Variants in VTCN1 observed in about 807,000 individuals in gnomAD.
VTCN1 encodes the protein V-set domain-containing T-cell activation inhibitor 1.
A neutral mutation model predicts 26.5 loss-of-function variants in VTCN1; 26 were observed. The ratio of observed to expected loss-of-function variants is 0.98; its 90% CI spans 0.72 to 1.36. VTCN1 has a LOEUF of 1.36. Ranked by LOEUF, VTCN1 falls within the 40% of genes most tolerant of loss-of-function variation. VTCN1 has a pLI of 0.00. For missense variants in VTCN1, 298 were observed against 337.7 expected, an observed-to-expected ratio of 0.88 and a Z score of 0.92; for synonymous variants, 116 against 130.7, an observed-to-expected ratio of 0.89 and a Z score of 0.77.
At chr1:117,170,241 G>T in intron 1 of VTCN1, 70 bp from the exon 2 acceptor site, 1 of 1,393,494 alleles carries the variant, frequency 7.2e-7, no homozygotes. Context: ...TGCAACTGGG[G>T]TACAAATCTG....
Position 117,183,762 on chromosome 1 carries a change from T to A in VTCN1, c.33-13591A>T, listed in dbSNP as rs1647788065. Among the ~76,000 whole-genome samples, 1 of 152,154 alleles carries A rather than the reference T, an allele frequency of 6.6e-6. No homozygotes were observed. The highest frequency in any genetic ancestry group is 2.4e-5 in the African/African-American group (1 of 41,432). On this transcript the variant is annotated intron_variant, in intron 1 of 5. Transcript: ENST00000369458. This position sits in a 1 kb window ranked among gnomAD's most constrained non-coding sequence, Gnocchi z 4.1. ...AAATAGCCTTTAAAAAAATCCTTGA[T>A]AAAAATACTTGAAATGCTGAATAAA...
At chr1:117,160,632 TC>T (rs1366402982) in intron 2 of VTCN1, among the ~76,000 whole-genome samples, 2 of 152,234 alleles carry the variant, frequency 1.3e-5, no homozygotes, top group Non-Finnish European at 2.9e-5. Flanking sequence ...TCCAACTACA[TC>T]CTTTCATAGT....
rs559905585 is a variant in VTCN1 at position 117,175,276 on chromosome 1, C to T, written c.33-5105G>A. ...CTAACAGAAACAATAACTAGTACCT[C>T]GGGAGATAACTTAGACAGACAAGGC... On this transcript the variant is annotated intron_variant, in intron 1 of 5. Transcript: ENST00000369458. The surrounding 1 kb of genome is among the most constrained non-coding windows in gnomAD (Gnocchi z 4.2). Among the ~76,000 whole-genome samples the T allele has an allele frequency of 2.4e-4, 36 of 152,274 alleles. No individual in the cohort carries two copies. The highest frequency in any genetic ancestry group is 7.9e-4 in the African/African-American group (33 of 41,542).
intron 2 of VTCN1, among the ~76,000 whole-genome samples, chr1:117,158,602 T>G (rs550615481): frequency 6.6e-6 from 1 of 152,192 alleles, no homozygotes; most frequent in South Asian, 2.1e-4. Flanking sequence ...TGAAGACCTC[T>G]GACATACCCT....
intron 1 of VTCN1, among the ~76,000 whole-genome samples, chr1:117,196,108 T>C (rs1417487843): frequency 6.6e-6 from 1 of 152,120 alleles, no homozygotes; most frequent in Non-Finnish European, 1.5e-5. Flanking sequence ...GCTATGATAG[T>C]ACCACTGCAC....
At chr1:117,162,744 AGAC>A (rs1384438698) in intron 2 of VTCN1, among the ~76,000 whole-genome samples, 26 of 152,220 alleles carry the variant, frequency 1.7e-4, no homozygotes, top group Non-Finnish European at 2.9e-4. Flanking sequence ...AGCAGGGGCA[AGAC>A]GAAACCTGAG....
Position 117,155,518 on chromosome 1 carries a change from G to GTTACTTAT in VTCN1, c.445+1048_445+1055dup, listed in dbSNP as rs1652027057. ...CCTTTGAGTTATAATTCAATACTAT[G>GTTACTTAT]TTACTTATTTTGTTGCTTAAATTGT... On this transcript the variant is annotated intron_variant, in intron 3 of 5. Transcript: ENST00000369458. This position sits in a 1 kb window ranked among gnomAD's most constrained non-coding sequence, Gnocchi z 4.8. Among the ~76,000 whole-genome samples, 1 of 152,070 alleles carries GTTACTTAT rather than the reference G, an allele frequency of 6.6e-6. No individual in the cohort carries two copies. Among genetic ancestry groups the GTTACTTAT allele is most frequent in the African/African-American group, 2.4e-5 (1 of 41,378 alleles).
intron 1 of VTCN1, chr1:117,173,104 G>A (rs144880439): frequency 4.2e-6 from 3 of 709,580 alleles, no homozygotes; most frequent in East Asian, 5.4e-5. Context: ...TGAAGTCAGA[G>A]AGACCAGAAC....
In VTCN1 at chr1:117,159,301, G is replaced by T. The variant is rs1267490207; in HGVS notation, c.98-2380C>A. ...TTAACAGTTTCACATGGCTGGGGAG[G>T]CCTCAGAGTCATGGCGGGAGGTGAA... On this transcript the variant is annotated intron_variant, in intron 2 of 5. Coordinates refer to ENST00000369458, the MANE Select transcript of VTCN1 (RefSeq NM_024626.4). This position sits in a 1 kb window ranked among gnomAD's most constrained non-coding sequence, Gnocchi z 4.7. Among the ~76,000 whole-genome samples, 1 of 152,172 alleles carries T rather than the reference G, an allele frequency of 6.6e-6. No individual in the cohort carries two copies. Among genetic ancestry groups the T allele is most frequent in the African/African-American group, 2.4e-5 (1 of 41,442 alleles).
intron 1 of VTCN1, chr1:117,172,296 A>G (rs1652960240): frequency 1.9e-6 from 1 of 514,094 alleles, no homozygotes; most frequent in Non-Finnish European, 3.9e-6. Context: ...CCTGCCGGCC[A>G]AGCCCTCATA....
chr1:117,182,679 T>G (rs1198279392), intron 1 of VTCN1, among the ~76,000 whole-genome samples: 1 of 152,214 alleles, frequency 6.6e-6, no homozygotes, highest in African/African-American at 2.4e-5. Flanking sequence ...CCTTCCAGCC[T>G]GGAATCTGTA....
intron 2 of VTCN1, among the ~76,000 whole-genome samples, chr1:117,157,893 A>G (rs2101472827): frequency 6.6e-6 from 1 of 152,364 alleles, no homozygotes; most frequent in South Asian, 2.1e-4. Context: ...CAGTCATTCC[A>G]AATGGGAGAA....
chr1:117,178,246 CTTTCTTTTT>C (rs1245713528), intron 1 of VTCN1, among the ~76,000 whole-genome samples: 6 of 55,088 alleles, frequency 1.1e-4, no homozygotes, highest in East Asian at 5.3e-3. Context: ...TTTGTTCTTT[CTTTCTTTTT>C]TTTCTTTTTT....
intron 1 of VTCN1, among the ~76,000 whole-genome samples, chr1:117,184,668 TGC>T (rs1647850083): frequency 6.6e-6 from 1 of 152,144 alleles, no homozygotes; most frequent in South Asian, 2.1e-4. Context: ...CTTCACTTGG[TGC>T]CCTTCTTCAT....
At position 117,146,040 on chromosome 1, in the gene VTCN1, G is replaced by A. The variant is rs1021304388; in HGVS notation, c.*46-815C>T. Among the ~76,000 whole-genome samples, 5 of 152,180 alleles carry A rather than the reference G, an allele frequency of 3.3e-5. No homozygotes were observed. The highest frequency in any genetic ancestry group is 1.2e-4 in the African/African-American group (5 of 41,440). On this transcript the variant is annotated intron_variant, in intron 5 of 5. Transcript: ENST00000369458. The surrounding 1 kb of genome is among the most constrained non-coding windows in gnomAD (Gnocchi z 4.2). The stretch of plus-strand genomic sequence containing the variant: ...ACTGGGTAATTGTATATAAGCCTAC[G>A]TGTGCTGCATGTGAACATTATCCAT...
rs1336240818 is a variant in VTCN1, at chr1:117,144,108, G to C, written c.*1163C>G. 1 of 152,222 alleles carries C rather than the reference G, an allele frequency of 6.6e-6. No individual in the cohort carries two copies. Among genetic ancestry groups the C allele is most frequent in the African/African-American group, 2.4e-5 (1 of 41,448 alleles). The allele number at this position is 152,222 out of a possible 1,614,324, so 9.4% of individuals were successfully genotyped here. A position where few individuals can be genotyped will look rare whatever the true frequency, so the allele number is the denominator to read the frequency against. ...TGCTGAGGCAGCAGCCAAAGAGACA[G>C]AATGCTTATTTGCCAATGACTAATG... On this transcript the variant is annotated 3_prime_UTR_variant, in exon 6 of 6. Transcript: ENST00000369458.
intron 1 of VTCN1, among the ~76,000 whole-genome samples, chr1:117,191,628 C>T (rs548585813): frequency 9.9e-5 from 15 of 152,166 alleles, no homozygotes; most frequent in African/African-American, 3.6e-4. Flanking sequence ...ACTAAAAGTA[C>T]AAAATTAGCC....
Position 117,153,259 on chromosome 1 carries a change from C to G in VTCN1, c.556G>C (p.Asp186His), listed in dbSNP as rs1651894006. 1.9e-6 allele frequency: 3 copies of G among 1,614,122 alleles called. No individual in the cohort carries two copies. Among genetic ancestry groups the G allele is most frequent in the Non-Finnish European group, 2.5e-6 (3 of 1,180,006 alleles). Reference sequence around the variant, plus strand: ...ACTTCCGAGAAGTTGGCTCCCTGGTCAACTTGGGATGCCCAGACCACTGTG... The same window carrying G: ...ACTTCCGAGAAGTTGGCTCCCTGGTGAACTTGGGATGCCCAGACCACTGTG... Reference protein sequence around the residue: ...QPTVVWASQVDQGANFSEVSN... With the variant: ...QPTVVWASQVHQGANFSEVSN... Residue 186 changes from aspartate (D) to histidine (H), a missense_variant, in exon 4 of 6, where the codon GAC becomes CAC. Physicochemically the swap from Asp to His is moderately conservative, Grantham distance 81 (BLOSUM62 -1). Coordinates refer to ENST00000369458, the MANE Select transcript of VTCN1 (RefSeq NM_024626.4).
chr1:117,185,718 G>T (rs938017407), intron 1 of VTCN1, among the ~76,000 whole-genome samples: 1 of 152,054 alleles, frequency 6.6e-6, no homozygotes. Flanking sequence ...TAAAATCTTG[G>T]TCTCCACAAG....
Sources: allele counts gnomAD v4.1 joint callset (sites outside exome capture counted in the v4.1 genomes callset), GRCh38; gene constraint gnomAD v4.1.1; non-coding constraint Gnocchi (gnomAD v3.1); transcripts MANE v1.5; gene names NCBI Gene and HGNC (gene_info 2026-07-23, HGNC 2026-07-21).